AKR1C3: variants seen among roughly 807,000 people sequenced by gnomAD.
The protein encoded by AKR1C3 is aldo-keto reductase family 1 member C3.
In AKR1C3, 48 loss-of-function variants were observed where a neutral mutation model predicts 43.6. The ratio of observed to expected loss-of-function variants is 1.10; its 90% confidence interval spans 0.87 to 1.40. The LOEUF is 1.40. AKR1C3 is among the 40% of genes most tolerant of loss of function. The pLI is 0.00. For missense variants in AKR1C3, 482 were observed against 391.2 expected, an observed-to-expected ratio of 1.23 and a Z score of -1.96; for synonymous variants, 162 against 139.6, an observed-to-expected ratio of 1.16 and a Z score of -1.13.
intron 1 of AKR1C3, among the ~76,000 whole-genome samples, chr10:5,084,889 G>T (rs1554782786): frequency 6.6e-6 from 1 of 152,020 alleles, no homozygotes; most frequent in African/African-American, 2.4e-5. Flanking sequence ...GTCTTTTATT[G>T]GTGTATAAGA....
At chr10:5,056,855 A>T (rs1838272432) in intron 1 of AKR1C3, among the ~76,000 whole-genome samples, 1 of 152,216 alleles carries the variant, frequency 6.6e-6, no homozygotes, top group Admixed American at 6.5e-5. Flanking sequence ...ACAACTGAGG[A>T]GGTGAGAGAA....
At chr10:5,100,587 A>C (rs1202922851) in intron 5 of AKR1C3, among the ~76,000 whole-genome samples, 1 of 152,202 alleles carries the variant, frequency 6.6e-6, no homozygotes, top group Non-Finnish European at 1.5e-5. Flanking sequence ...TTCAAAATTA[A>C]AGTCACTCTA....
intron 1 of AKR1C3, among the ~76,000 whole-genome samples, chr10:5,081,278 C>CT (rs201586099): frequency 7.5e-6 from 1 of 133,188 alleles, no homozygotes; most frequent in African/African-American, 3.1e-5. Flanking sequence ...AACTCAAAAG[C>CT]TTTGATTTTG....
chr10:5,096,324 G>T, intron 1 of AKR1C3, 86 bp from the exon 2 acceptor site: 1 of 1,489,624 alleles, frequency 6.7e-7, no homozygotes. Context: ...AGGAAAAGCT[G>T]ATTCTTGTAT....
intron 1 of AKR1C3, among the ~76,000 whole-genome samples, chr10:5,051,761 G>A (rs1020307542): frequency 2.6e-5 from 4 of 152,248 alleles, no homozygotes; most frequent in Middle Eastern, 3.4e-3. Context: ...TAGACATACC[G>A]CCTTTGGCTA....
chr10:5,075,447 A>C (rs1227485415), intron 1 of AKR1C3, among the ~76,000 whole-genome samples: 1 of 147,472 alleles, frequency 6.8e-6, no homozygotes. Flanking sequence ...AGTATTTCTC[A>C]CTGTGTTTTA....
intron 5 of AKR1C3, among the ~76,000 whole-genome samples, chr10:5,101,041 T>A (rs929070145): frequency 5.9e-5 from 9 of 152,194 alleles, no homozygotes; most frequent in Non-Finnish European, 8.8e-5. Context: ...ATAATTATTG[T>A]ATCTAAGGAA....
intron 7 of AKR1C3, among the ~76,000 whole-genome samples, chr10:5,103,382 G>A (rs1839407910): frequency 6.6e-6 from 1 of 151,676 alleles, no homozygotes; most frequent in Non-Finnish European, 1.5e-5. Context: ...TTTAAGTATA[G>A]GAGACCATAA....
At position 5,103,939 on chromosome 10, in the gene AKR1C3, G is replaced by GATATATATATTATAGTTTAATAAGATAT. The variant is rs1839426074; in HGVS notation, c.846+1292_846+1319dup. On this transcript the variant is annotated intron_variant, in intron 7 of 8. Transcript: ENST00000380554. The stretch of plus-strand genomic sequence containing the variant: ...GATAGGTTAATATATATGATAGATT[G>GATATATATATTATAGTTTAATAAGATAT]ATATATATATTATAGTTTAATAAGA... Among the ~76,000 whole-genome samples, 4 of 151,870 alleles carry GATATATATATTATAGTTTAATAAGATAT rather than the reference G, an allele frequency of 2.6e-5. No individual in the cohort carries two copies. The East Asian group carries it at 7.7e-4, about 29-fold the overall frequency.
At chr10:5,049,758 G>A (rs1022790387) in intron 1 of AKR1C3, among the ~76,000 whole-genome samples, 1 of 152,152 alleles carries the variant, frequency 6.6e-6, no homozygotes, top group Admixed American at 6.5e-5. Flanking sequence ...ACTGGGAGAG[G>A]ACTCATAGGA....
Position 5,102,223 on chromosome 10 carries a change from A to G in AKR1C3, c.680+13A>G. On this transcript the variant is annotated intron_variant, in intron 6 of 8. Coordinates refer to ENST00000380554, the MANE Select transcript of AKR1C3 (RefSeq NM_003739.6). ...GAGACAAACGATGGTAATAAAAACA[A>G]TGGGACCTTTACATAAACCTTCATT... The G allele has an allele frequency of 6.2e-7, 1 of 1,605,884 alleles. No homozygotes were observed. Among genetic ancestry groups the G allele is most frequent in the Non-Finnish European group, 8.5e-7 (1 of 1,172,844 alleles).
At chr10:5,058,625 A>C (rs147682290) in intron 1 of AKR1C3, among the ~76,000 whole-genome samples, 43 of 152,254 alleles carry the variant, frequency 2.8e-4, no homozygotes, top group Admixed American at 3.3e-4. Context: ...TGTGCTCACC[A>C]ACGCAGCAGT....
intron 5 of AKR1C3, 118 bp downstream of exon 5, chr10:5,099,567 A>C (rs184472183): frequency 6.6e-7 from 1 of 1,523,944 alleles, no homozygotes; most frequent in East Asian, 2.3e-5. Flanking sequence ...TTATCTAGAG[A>C]GCAAAGCTTC....
chr10:5,095,526 C>T (rs1163760992), intron 1 of AKR1C3, among the ~76,000 whole-genome samples: 4 of 151,060 alleles, frequency 2.6e-5, no homozygotes, highest in Admixed American at 6.6e-5. Flanking sequence ...GCGGGGAGAC[C>T]GTTATCTAGT....
intron 1 of AKR1C3, among the ~76,000 whole-genome samples, chr10:5,064,361 C>A (rs782332539): frequency 1.2e-4 from 18 of 152,094 alleles, no homozygotes; most frequent in Non-Finnish European, 2.6e-4. Flanking sequence ...GCCTTCCTTA[C>A]ACTGTATTAA....
At chr10:5,090,477 TA>T (rs1298236768), upstream of AKR1C3, among the ~76,000 whole-genome samples, 1 of 152,014 alleles carries the variant, frequency 6.6e-6, no homozygotes, top group South Asian at 2.1e-4. Context: ...AGCCATAAAA[TA>T]AAAAACTACT....
Position 5,102,523 on chromosome 10 carries a change from TCCTTTGTG to T in AKR1C3, c.724_731del (p.Cys242GlyfsTer30), listed in dbSNP as rs782234253. The T allele has an allele frequency of 6.4e-7, 1 of 1,574,244 alleles. No homozygotes were observed. Among genetic ancestry groups the T allele is most frequent in the South Asian group, 1.2e-5 (1 of 85,414 alleles). On this transcript the variant is annotated frameshift_variant, in exon 7 of 9. Coordinates refer to ENST00000380554, the MANE Select transcript of AKR1C3 (RefSeq NM_003739.6). LOFTEE classifies it high-confidence loss of function. ...TCCCCGGTGCTCTTGGAGGACCCAG[TCCTTTGTG>T]CCTTGGCAAAAAAGCACAAGCGAAC...
At chr10:5,068,398 A>G (rs2131799598) in intron 1 of AKR1C3, among the ~76,000 whole-genome samples, 1 of 152,236 alleles carries the variant, frequency 6.6e-6, no homozygotes, top group South Asian at 2.1e-4. Context: ...ATTAGAAAAG[A>G]CAATTTTGAA....
intron 8 of AKR1C3, among the ~76,000 whole-genome samples, chr10:5,106,891 A>AT (rs1285005919): frequency 3.6e-5 from 5 of 139,386 alleles, no homozygotes; most frequent in African/African-American, 1.4e-4. Context: ...CATTGTTAAT[A>AT]TTTTTTTAGT....
Sources: allele counts gnomAD v4.1 joint callset (sites outside exome capture counted in the v4.1 genomes callset), GRCh38; gene constraint gnomAD v4.1.1; transcripts MANE v1.5; gene names NCBI Gene and HGNC (gene_info 2026-07-23, HGNC 2026-07-21).